The following PKD1L3 variants were observed in gnomAD, a reference collection of about 807,000 sequenced individuals.
PKD1L3 encodes polycystin 1 like 3, transient receptor potential channel interacting.
A neutral mutation model predicts 184.1 loss-of-function variants in PKD1L3; 239 were observed. The ratio of observed to expected loss-of-function variants is 1.30; its 90% CI spans 1.17 to 1.45. PKD1L3 has a LOEUF of 1.45. Among genes scored for constraint, PKD1L3 ranks in the 40% most tolerant of loss-of-function variants. PKD1L3 has a pLI of 0.00. For synonymous variants in PKD1L3, 996 were observed against 778.8 expected (o/e 1.28, Z -4.64); for missense variants, 2,660 against 2,067.2 (o/e 1.29, Z -5.56).
At chr16:71,981,535 CTTTTTTTTTTTTT>C (rs543488508) in intron 7 of PKD1L3, among the ~76,000 whole-genome samples, 4 of 105,082 alleles carry the variant, frequency 3.8e-5, no homozygotes, top group African/African-American at 1.1e-4. Context: ...TTCCTAAATT[CTTTTTTTTTTTTT>C]TTTTTTTTTT....
intron 24 of PKD1L3, among the ~76,000 whole-genome samples, chr16:71,939,796 G>A (rs1046425281): frequency 5.3e-5 from 8 of 152,154 alleles, no homozygotes; most frequent in African/African-American, 1.7e-4. Context: ...TCCTGTGAAA[G>A]GTGGGGGAAC....
chr16:71,935,450 T>A lies in PKD1L3; in HGVS notation c.4521A>T (p.Ile1507=). Residue 1507 remains isoleucine, a synonymous_variant, in exon 26 of 30, where the codon ATA becomes ATT. Transcript: ENST00000620267. ...CCAGGAGGATGAAGCTAATGAGGATTATACTTGTGTCCAGAATGTTTCTTT... is the reference window on the plus strand; with the variant it reads ...CCAGGAGGATGAAGCTAATGAGGATAATACTTGTGTCCAGAATGTTTCTTT... ...TGKRNILDTS[I]ILISFILLGL... is the part of the protein sequence containing the mutation. 6 of 1,552,176 alleles carry A rather than the reference T, an allele frequency of 3.9e-6. No individual in the cohort carries two copies. The South Asian group carries it at 7.1e-5, about 18-fold the overall frequency.
At chr16:71,966,967 C>T (rs2039522596) in intron 15 of PKD1L3, among the ~76,000 whole-genome samples, 170 bp downstream of exon 15, 1 of 152,180 alleles carries the variant, frequency 6.6e-6, no homozygotes, top group Admixed American at 6.5e-5. Flanking sequence ...GTTAATCTCT[C>T]ACACTTCTTT....
chr16:71,988,297 G>C (rs1448425607), intron 4 of PKD1L3, among the ~76,000 whole-genome samples: 1 of 152,100 alleles, frequency 6.6e-6, no homozygotes, highest in Admixed American at 6.6e-5. Flanking sequence ...CAGGTTCAAG[G>C]AATTCTTCTG....
intron 5 of PKD1L3, among the ~76,000 whole-genome samples, chr16:71,984,558 A>G (rs1290999683): frequency 6.6e-6 from 1 of 152,220 alleles, no homozygotes; most frequent in Non-Finnish European, 1.5e-5. Flanking sequence ...GTTTCCCTCC[A>G]TTCAAGTATT....
rs1375313650 is a variant in PKD1L3, at chr16:71,933,921, G to C, written c.4818C>G (p.Ala1606=). Residue 1606 remains alanine, a synonymous_variant, in exon 27 of 30, where the codon GCC becomes GCG. Transcript: ENST00000620267. ...CAGCAACGTGGGGGCTTACGGCAAT[G>C]GCATAGCCTGTCAGCAGGATTAGGA... ...LIILILLTGY[A]IAFNLLFGCS... 1 of 1,551,104 alleles carries C rather than the reference G, an allele frequency of 6.4e-7. No homozygotes were observed. Among genetic ancestry groups the C allele is most frequent in the Non-Finnish European group, 8.7e-7 (1 of 1,146,836 alleles).
intron 21 of PKD1L3, among the ~76,000 whole-genome samples, chr16:71,948,295 C>T (rs2038696833): frequency 6.6e-6 from 1 of 152,208 alleles, no homozygotes; most frequent in African/African-American, 2.4e-5. Context: ...GTTGGCCAGG[C>T]TGGTCTCAAA....
intron 12 of PKD1L3, among the ~76,000 whole-genome samples, chr16:71,973,067 A>C (rs1420981660): frequency 6.6e-6 from 1 of 152,210 alleles, no homozygotes; most frequent in East Asian, 1.9e-4. Flanking sequence ...TATTTTATCC[A>C]CACTTGTCAG....
intron 16 of PKD1L3, among the ~76,000 whole-genome samples, chr16:71,960,615 A>G (rs1292828475): frequency 1.3e-5 from 2 of 152,220 alleles, no homozygotes; most frequent in Admixed American, 6.5e-5. Flanking sequence ...CATATAAAAT[A>G]TGTCTATACG....
rs749219953 is a variant in PKD1L3, at chr16:71,982,165, CTGT to C, written c.1034_1036del (p.Asn345del). The C allele has an allele frequency of 1.1e-4, 164 of 1,550,912 alleles. No homozygotes were observed. The highest frequency in any genetic ancestry group is 1.7e-4 in the Middle Eastern group (1 of 6,018). ...AGTTGGAGGAACTTTGAAGCCCAGA[CTGT>C]TGTTGTTCTGAAATGGGATCCTGAG... On this transcript the variant is annotated inframe_deletion, in exon 7 of 30. Transcript: ENST00000620267.
intron 22 of PKD1L3, among the ~76,000 whole-genome samples, chr16:71,945,961 T>C (rs1356014785): frequency 2.0e-5 from 3 of 152,032 alleles, no homozygotes; most frequent in Non-Finnish European, 4.4e-5. Flanking sequence ...AGGAAGGCAA[T>C]TTATTATTAT....
intron 24 of PKD1L3, among the ~76,000 whole-genome samples, chr16:71,941,065 T>A (rs577030379): frequency 6.6e-6 from 1 of 152,058 alleles, no homozygotes; most frequent in African/African-American, 2.4e-5. Context: ...CTCGAACTCC[T>A]GGGCTCAAGT....
chr16:71,939,683 C>A (rs1177753741), intron 24 of PKD1L3, among the ~76,000 whole-genome samples: 1 of 152,010 alleles, frequency 6.6e-6, no homozygotes, highest in African/African-American at 2.4e-5. Context: ...CTCTGCAGGT[C>A]TGAGAGAAGA....
intron 1 of PKD1L3, 107 bp downstream of exon 1, chr16:71,999,577 T>C: frequency 8.7e-7 from 1 of 1,146,288 alleles, no homozygotes; most frequent in Non-Finnish European, 1.2e-6. Flanking sequence ...AAGTGACTGG[T>C]TTTTCTGTCT....
chr16:71,980,671 T>C (rs558569542), intron 7 of PKD1L3, among the ~76,000 whole-genome samples: 8 of 152,220 alleles, frequency 5.3e-5, no homozygotes, highest in Admixed American at 4.6e-4. Flanking sequence ...CTGTCTCTAC[T>C]AAAAGTACCA....
chr16:71,962,644 G>A (rs1211980187), intron 16 of PKD1L3, among the ~76,000 whole-genome samples: 8 of 152,016 alleles, frequency 5.3e-5, no homozygotes, highest in Admixed American at 2.0e-4. Flanking sequence ...GCACCACCAC[G>A]CCTGGCTAAT....
chr16:71,938,713 C>T (rs2038262759), intron 24 of PKD1L3, among the ~76,000 whole-genome samples: 1 of 152,200 alleles, frequency 6.6e-6, no homozygotes, highest in East Asian at 1.9e-4. Context: ...AGGAGCTACC[C>T]ACTCCAGATC....
At chr16:71,998,475 C>G in intron 1 of PKD1L3, 81 bp from the exon 2 acceptor site, 1 of 1,465,228 alleles carries the variant, frequency 6.8e-7, no homozygotes. Flanking sequence ...GTTTTTGAGA[C>G]AGTCCCACTC....
At position 71,986,461 on chromosome 16, in the gene PKD1L3, G is replaced by A. The variant is rs891564398; in HGVS notation, c.594C>T (p.Thr198=). 15 of 1,548,660 alleles carry A rather than the reference G, an allele frequency of 9.7e-6. No homozygotes were observed. The Admixed American group carries it at 1.2e-4, about 12-fold the overall frequency. Reference sequence around the variant, plus strand: ...GAAACTGGCTGATGGGATGACACAGGGTCTTGGACTAAAAGATAAAAATAT... The same window carrying A: ...GAAACTGGCTGATGGGATGACACAGAGTCTTGGACTAAAAGATAAAAATAT... ...HYPLPAHLSK[T]LCHPISQFPS... Residue 198 remains threonine (T), a synonymous_variant, in exon 5 of 30, where the codon ACC becomes ACT. Coordinates refer to ENST00000620267, the MANE Select transcript of PKD1L3 (RefSeq NM_181536.2).
Sources: gnomAD v4.1 joint callset for allele counts (sites outside exome capture counted in the v4.1 genomes callset) on GRCh38, gnomAD v4.1.1 for gene constraint, MANE v1.5 for transcripts, NCBI Gene and HGNC (gene_info 2026-07-23, HGNC 2026-07-21) for gene names.